LCLAT1: variants seen among roughly 807,000 people sequenced by gnomAD.
LCLAT1 encodes lysocardiolipin acyltransferase 1, also known as 1-AGP acyltransferase 8.
A neutral mutation model predicts 30.7 loss-of-function variants in LCLAT1; 11 were observed. That is an observed-to-expected ratio of 0.36 (90% confidence interval 0.23 to 0.59). The LOEUF (loss-of-function observed/expected upper bound fraction) is 0.59. LCLAT1 is among the 20% of genes least tolerant of loss of function. The pLI, the probability that LCLAT1 is intolerant of heterozygous loss-of-function variation, is 0.77. For synonymous variants in LCLAT1, 155 were observed against 151.3 expected (o/e 1.02, Z -0.18); for missense variants, 402 against 458.6 (o/e 0.88, Z 1.13).
chr2:30,631,106 A>G (rs1350609470), intron 5 of LCLAT1, among the ~76,000 whole-genome samples: 1 of 152,180 alleles, frequency 6.6e-6, no homozygotes, highest in East Asian at 1.9e-4. Flanking sequence ...CACAGCCACA[A>G]CTTTAGCAAT....
intron 1 of LCLAT1, among the ~76,000 whole-genome samples, chr2:30,510,969 G>C (rs1220787506): frequency 6.6e-6 from 1 of 151,980 alleles, no homozygotes; most frequent in African/African-American, 2.4e-5. Flanking sequence ...TTTTGAAAAT[G>C]TTAAAGATAG....
At chr2:30,534,340 A>G (rs1287883448) in intron 3 of LCLAT1, among the ~76,000 whole-genome samples, 2 of 151,530 alleles carry the variant, frequency 1.3e-5, no homozygotes, top group African/African-American at 2.4e-5. Flanking sequence ...GGCTCACTGC[A>G]AGCTCCGGCT....
chr2:30,633,006 ATTAT>A lies in LCLAT1; in HGVS notation c.629-7105_629-7102del, dbSNP rs145773673. Among the ~76,000 whole-genome samples the A allele has an allele frequency of 6.6e-3, 1,010 of 152,316 alleles. 10 individuals carry two copies. The highest frequency in any genetic ancestry group is 0.023 in the African/African-American group (959 of 41,570). ...CTTTTATTTTGAAGCTGAAAGGTAT[ATTAT>A]TTATTGGTATTTTTAGTCTAAATAT... On this transcript the variant is annotated intron_variant, in intron 5 of 5. Transcript: ENST00000379509.
In LCLAT1 at chr2:30,634,577, G is replaced by A. The variant is rs137972350; in HGVS notation, c.629-5540G>A. Among the ~76,000 whole-genome samples the A allele has an allele frequency of 1.8e-3, 273 of 152,234 alleles. 1 individual carries two copies. The highest frequency in any genetic ancestry group is 6.1e-3 in the African/African-American group (253 of 41,538). ...GGAGTGGAGGTTGCAGTGAGCCGGC[G>A]ACAAGCGCAAAACTCCATCTCAAAA... On this transcript the variant is annotated intron_variant, in intron 5 of 5. Transcript: ENST00000379509.
Position 30,616,481 on chromosome 2 carries a change from A to C in LCLAT1, c.629-23636A>C, listed in dbSNP as rs573094941. Reference sequence around the variant, plus strand: ...AATAAATTAGAGCTATATGCTTCTAAAATATTGATTGCAAGACACATTGTC... The same window carrying C: ...AATAAATTAGAGCTATATGCTTCTACAATATTGATTGCAAGACACATTGTC... On this transcript the variant is annotated intron_variant, in intron 5 of 5. Transcript: ENST00000379509. 2.6e-5 allele frequency among the ~76,000 whole-genome samples: 4 copies of C among 152,256 alleles called. No individual in the cohort carries two copies. In the East Asian group the frequency reaches 7.7e-4, roughly 29 times the overall value.
chr2:30,516,159 A>AG (rs941357481), intron 1 of LCLAT1, among the ~76,000 whole-genome samples: 25 of 152,144 alleles, frequency 1.6e-4, no homozygotes, highest in African/African-American at 5.1e-4. Flanking sequence ...GCACAGGGGG[A>AG]GGGACAACTA....
chr2:30,538,950 T>A (rs1170043607), intron 3 of LCLAT1, among the ~76,000 whole-genome samples: 3 of 150,542 alleles, frequency 2.0e-5, no homozygotes, highest in African/African-American at 7.3e-5. Flanking sequence ...TTCTACCAAC[T>A]TCCCCCAACC....
At chr2:30,630,139 C>T (rs560502112) in intron 5 of LCLAT1, among the ~76,000 whole-genome samples, 1 of 152,318 alleles carries the variant, frequency 6.6e-6, no homozygotes, top group African/African-American at 2.4e-5. Context: ...TGGCCACTTT[C>T]TCACTGTGTC....
At chr2:30,504,848 T>C (rs1023898012) in intron 1 of LCLAT1, among the ~76,000 whole-genome samples, 5 of 152,208 alleles carry the variant, frequency 3.3e-5, no homozygotes, top group African/African-American at 1.2e-4. Flanking sequence ...GCATGTGTCA[T>C]TGGCAGGTAT....
At chr2:30,473,708 G>T (rs1456277997) in intron 1 of LCLAT1, among the ~76,000 whole-genome samples, 4 of 152,136 alleles carry the variant, frequency 2.6e-5, no homozygotes, top group Admixed American at 2.0e-4. Flanking sequence ...ATTTTCCTCA[G>T]TTGTTTTAAC....
chr2:30,624,025 C>G (rs1435698105), intron 5 of LCLAT1, among the ~76,000 whole-genome samples: 1 of 152,118 alleles, frequency 6.6e-6, no homozygotes, highest in East Asian at 1.9e-4. Context: ...AGCTTCATAA[C>G]TGAAGGAAAG....
At chr2:30,505,949 T>G (rs1457647940) in intron 1 of LCLAT1, among the ~76,000 whole-genome samples, 1 of 152,104 alleles carries the variant, frequency 6.6e-6, no homozygotes. Context: ...TAAACCACCT[T>G]TATTCTGGTT....
chr2:30,625,171 A>G (rs1466423037), intron 5 of LCLAT1, among the ~76,000 whole-genome samples: 1 of 152,210 alleles, frequency 6.6e-6, no homozygotes, highest in Non-Finnish European at 1.5e-5. Flanking sequence ...ATCTAAGGTC[A>G]CACCTCAAAG....
chr2:30,503,166 G>T (rs1314323744), intron 1 of LCLAT1, among the ~76,000 whole-genome samples: 3 of 152,178 alleles, frequency 2.0e-5, no homozygotes, highest in Non-Finnish European at 4.4e-5. Flanking sequence ...CTGTCGTGGC[G>T]CTGGTGGGAG....
At chr2:30,470,876 CTTTTA>C (rs1408201790) in intron 1 of LCLAT1, among the ~76,000 whole-genome samples, 1 of 147,646 alleles carries the variant, frequency 6.8e-6, no homozygotes, top group Non-Finnish European at 1.5e-5. Flanking sequence ...ATAGTATTGT[CTTTTA>C]TTTATTTATT....
At position 30,600,769 on chromosome 2, in the gene LCLAT1, G is replaced by A. The variant is rs186960090; in HGVS notation, c.628+32593G>A. On this transcript the variant is annotated intron_variant, in intron 5 of 5. Transcript: ENST00000379509. ...ATGATTATGTGTCTTGGTCTATGAT[G>A]TACTTCTCATGGAGTATCTTACTGG... 1.0e-3 allele frequency among the ~76,000 whole-genome samples: 157 copies of A among 152,158 alleles called. 3 individuals are homozygous for A. Among genetic ancestry groups the A allele is most frequent in the Admixed American group, 8.4e-3 (129 of 15,274 alleles).
At chr2:30,632,750 A>G (rs987218220) in intron 5 of LCLAT1, among the ~76,000 whole-genome samples, 6 of 152,336 alleles carry the variant, frequency 3.9e-5, no homozygotes, top group South Asian at 2.1e-4. Flanking sequence ...GGTAGGGACT[A>G]TTGTGTCCAT....
chr2:30,640,406 G>A lies in LCLAT1; in HGVS notation c.918G>A (p.Val306=). 6.2e-7 allele frequency: 1 copy of A among 1,614,132 alleles called. No individual in the cohort carries two copies. The highest frequency in any genetic ancestry group is 8.5e-7 in the Non-Finnish European group (1 of 1,180,026). The change falls in exon 6 of 6, where the codon GTG becomes GTA. Residue 306 remains valine (V), a synonymous_variant. Transcript: ENST00000379509. The part of the protein sequence containing the change: ...PPCKSELRVL[V]VKLLSILYWT... ...GCAAGTCTGAACTCAGGGTCCTTGTGGTCAAATTGCTCTCTATACTGTATT... is the reference window on the plus strand; with the variant it reads ...GCAAGTCTGAACTCAGGGTCCTTGTAGTCAAATTGCTCTCTATACTGTATT...
chr2:30,518,231 T>C (rs533530494), intron 1 of LCLAT1, among the ~76,000 whole-genome samples: 5 of 152,218 alleles, frequency 3.3e-5, no homozygotes, highest in Non-Finnish European at 7.3e-5. Context: ...GCAGATTTCC[T>C]AACGGGATTT....
Sources: gnomAD v4.1 joint callset for allele counts (sites outside exome capture counted in the v4.1 genomes callset) on GRCh38, gnomAD v4.1.1 for gene constraint, MANE v1.5 for transcripts, NCBI Gene and HGNC (gene_info 2026-07-23, HGNC 2026-07-21) for gene names.